The following ARHGAP42 variants were observed in gnomAD, a reference collection of about 807,000 sequenced individuals.
ARHGAP42 encodes the protein rho GTPase-activating protein 42.
ARHGAP42 carries 63 observed loss-of-function variants against 125.0 expected under a neutral mutation model. That is an observed-to-expected ratio of 0.50 (90% CI 0.41 to 0.62). The LOEUF (loss-of-function observed/expected upper bound fraction) is 0.62. Among genes scored for constraint, ARHGAP42 ranks in the 20% least tolerant of loss-of-function variants. The pLI is 0.00. For synonymous variants in ARHGAP42, 339 were observed against 351.0 expected (o/e 0.97, Z 0.38); for missense variants, 766 against 1,024.2 (o/e 0.75, Z 3.44).
At chr11:100,867,038 G>A (rs974041675) in intron 4 of ARHGAP42, among the ~76,000 whole-genome samples, 2 of 152,066 alleles carry the variant, frequency 1.3e-5, no homozygotes, top group Admixed American at 6.6e-5. Flanking sequence ...TCTCAAGAGG[G>A]CACTTAAAAT....
chr11:100,737,068 G>A (rs1465436907), intron 1 of ARHGAP42, among the ~76,000 whole-genome samples: 1 of 152,174 alleles, frequency 6.6e-6, no homozygotes, highest in African/African-American at 2.4e-5. Context: ...ATGTTAAAAG[G>A]GATTAAGGGA....
At chr11:100,980,559 C>CTTCTTCTTTTTTTTTTTTTTTTTTTT (rs1555037006) in intron 22 of ARHGAP42, among the ~76,000 whole-genome samples, 1 of 51,962 alleles carries the variant, frequency 1.9e-5, no homozygotes, top group Non-Finnish European at 3.8e-5. Flanking sequence ...TTTTCTTCTT[C>CTTCTTCTTTTTTTTTTTTTTTTTTTT]TTTTTTTTTT....
chr11:100,782,187 C>A (rs539017318), intron 2 of ARHGAP42, among the ~76,000 whole-genome samples: 1 of 152,228 alleles, frequency 6.6e-6, no homozygotes, highest in South Asian at 2.1e-4. Context: ...GTTTAACTTG[C>A]AGGTTCTCAA....
chr11:100,856,030 A>G (rs1186070378), intron 3 of ARHGAP42, among the ~76,000 whole-genome samples: 5 of 152,060 alleles, frequency 3.3e-5, no homozygotes, highest in South Asian at 2.1e-4. Context: ...ATCTTAGTAA[A>G]GTCATGCAAA....
intron 4 of ARHGAP42, among the ~76,000 whole-genome samples, chr11:100,897,480 T>C (rs1866393654): frequency 6.6e-6 from 1 of 152,222 alleles, no homozygotes; most frequent in African/African-American, 2.4e-5. Flanking sequence ...GAGCATGGAA[T>C]GTTCTTCCAT....
intron 3 of ARHGAP42, among the ~76,000 whole-genome samples, chr11:100,817,688 T>C (rs1368264601): frequency 6.6e-6 from 1 of 152,206 alleles, no homozygotes; most frequent in East Asian, 1.9e-4. Context: ...TCTCATTTAA[T>C]CCTCAGAGCC....
chr11:100,776,187 G>A (rs1436892025), intron 2 of ARHGAP42, among the ~76,000 whole-genome samples: 1 of 151,818 alleles, frequency 6.6e-6, no homozygotes, highest in Non-Finnish European at 1.5e-5. Context: ...GATATTGTTA[G>A]TCAAACTGAA....
intron 17 of ARHGAP42, among the ~76,000 whole-genome samples, chr11:100,972,694 T>C (rs1194025916): frequency 2.0e-5 from 3 of 152,232 alleles, no homozygotes; most frequent in African/African-American, 4.8e-5. Flanking sequence ...CACGTTTCTT[T>C]AGGAGCCTCT....
Position 100,993,584 on chromosome 11 carries a change from C to A in ARHGAP42, c.*4783C>A, listed in dbSNP as rs1391127632. 1 of 166,946 alleles carries A rather than the reference C, an allele frequency of 6.0e-6. No individual in the cohort carries two copies. Among genetic ancestry groups the A allele is most frequent in the African/African-American group, 2.4e-5 (1 of 41,406 alleles). The allele number at this position is 166,946 out of a possible 1,614,324, so 10.3% of individuals were successfully genotyped here. ...ATAGGGAATTTGGCAGGGAAGACAC[C>A]TGGGTTTTTAATTCAGAACCCTATT... On this transcript the variant is annotated 3_prime_UTR_variant, in exon 24 of 24. Coordinates refer to ENST00000298815, the MANE Select transcript of ARHGAP42 (RefSeq NM_152432.4).
intron 17 of ARHGAP42, among the ~76,000 whole-genome samples, chr11:100,972,100 A>G (rs1284099760): frequency 1.3e-5 from 2 of 152,204 alleles, no homozygotes; most frequent in African/African-American, 2.4e-5. Context: ...TCAGCGTGGC[A>G]GCTTTCTCTT....
intron 4 of ARHGAP42, among the ~76,000 whole-genome samples, chr11:100,860,602 T>A (rs1201076005): frequency 3.3e-5 from 5 of 152,044 alleles, no homozygotes; most frequent in African/African-American, 1.2e-4. Context: ...AACTTTTCCC[T>A]CTCTCTGGAA....
intron 4 of ARHGAP42, among the ~76,000 whole-genome samples, chr11:100,873,718 G>T (rs930443419): frequency 6.6e-6 from 1 of 152,164 alleles, no homozygotes; most frequent in Non-Finnish European, 1.5e-5. Context: ...AAATCCATGA[G>T]GTAGGGCCTA....
At chr11:100,859,040 G>T (rs1013123162) in intron 3 of ARHGAP42, among the ~76,000 whole-genome samples, 5 of 152,012 alleles carry the variant, frequency 3.3e-5, no homozygotes, top group African/African-American at 1.2e-4. Context: ...TTTTAGTCAG[G>T]TTGGAAACAT....
chr11:100,898,632 G>A (rs1335124696), intron 4 of ARHGAP42, among the ~76,000 whole-genome samples: 1 of 152,048 alleles, frequency 6.6e-6, no homozygotes, highest in Non-Finnish European at 1.5e-5. Context: ...TTTGTGTAGA[G>A]GTGTTTATAG....
At chr11:100,698,717 A>AT (rs1861337289) in intron 1 of ARHGAP42, among the ~76,000 whole-genome samples, 1 of 152,082 alleles carries the variant, frequency 6.6e-6, no homozygotes, top group South Asian at 2.1e-4. Flanking sequence ...TTTATTTTTC[A>AT]TTTTTTTATA....
rs529497130 is a variant in ARHGAP42 at position 100,990,725 on chromosome 11, C to T, written c.*1924C>T. 2.0e-5 allele frequency: 3 copies of T among 152,638 alleles called. No individual in the cohort carries two copies. Among genetic ancestry groups the T allele is most frequent in the African/African-American group, 4.8e-5 (2 of 41,552 alleles). The allele number at this position is 152,638 out of a possible 1,614,324, so 9.5% of individuals were successfully genotyped here. ...TCTGCTGGAACAGAAGGTAGTTTTCCAGTGTACCAGTCCCTTAGTCTATAC... is the reference window on the plus strand; with the variant it reads ...TCTGCTGGAACAGAAGGTAGTTTTCTAGTGTACCAGTCCCTTAGTCTATAC... On this transcript the variant is annotated 3_prime_UTR_variant, in exon 24 of 24. Coordinates refer to ENST00000298815, the MANE Select transcript of ARHGAP42 (RefSeq NM_152432.4).
At chr11:100,749,820 A>C (rs1421936110) in intron 1 of ARHGAP42, among the ~76,000 whole-genome samples, 2 of 151,750 alleles carry the variant, frequency 1.3e-5, no homozygotes, top group African/African-American at 4.8e-5. Flanking sequence ...ATTCACCCCC[A>C]CACACATTTA....
In ARHGAP42 at chr11:100,830,176, C is replaced by T. The variant is rs182839648; in HGVS notation, c.313-29378C>T. ...ATATATCTCAATTTTCAATATTACA[C>T]ATGCGTGTGTCTCACCAGGAGGAAT... On this transcript the variant is annotated intron_variant, in intron 3 of 23. Coordinates refer to ENST00000298815, the MANE Select transcript of ARHGAP42 (RefSeq NM_152432.4). Among the ~76,000 whole-genome samples, 132 of 152,282 alleles carry T rather than the reference C, an allele frequency of 8.7e-4. 1 individual carries two copies. Among genetic ancestry groups the T allele is most frequent in the Admixed American group, 1.8e-3 (28 of 15,296 alleles).
chr11:100,855,414 C>G (rs1481240218), intron 3 of ARHGAP42, among the ~76,000 whole-genome samples: 9 of 151,808 alleles, frequency 5.9e-5, no homozygotes, highest in African/African-American at 2.2e-4. Flanking sequence ...AAGAGACATA[C>G]CTTTCAGATT....
Sources: allele counts gnomAD v4.1 joint callset (sites outside exome capture counted in the v4.1 genomes callset), GRCh38; gene constraint gnomAD v4.1.1; transcripts MANE v1.5; gene names NCBI Gene and HGNC (gene_info 2026-07-23, HGNC 2026-07-21).